ARMH3: variants seen among roughly 807,000 people sequenced by gnomAD.
The protein encoded by ARMH3 is armadillo like helical domain containing 3, also known as armadillo-like helical domain-containing protein 3.
ARMH3 carries 60 observed loss-of-function variants against 99.1 expected under a neutral mutation model. That is an observed-to-expected ratio of 0.61 (90% CI 0.49 to 0.75). The LOEUF is 0.75. Among genes scored for constraint, ARMH3 ranks in the 30% least tolerant of loss-of-function variants. The pLI is 0.00. For synonymous variants in ARMH3, 285 were observed against 292.8 expected (o/e 0.97, Z 0.27); for missense variants, 679 against 843.1 (o/e 0.81, Z 2.41).
At chr10:101,891,288 C>T (rs529339112) in intron 23 of ARMH3, among the ~76,000 whole-genome samples, 79 of 152,154 alleles carry the variant, frequency 5.2e-4, no homozygotes, top group African/African-American at 1.8e-3. Flanking sequence ...CTCCACCTTC[C>T]GGGTTTAAGC....
chr10:101,873,709 C>T (rs1420846980), intron 24 of ARMH3, among the ~76,000 whole-genome samples: 1 of 152,150 alleles, frequency 6.6e-6, no homozygotes, highest in Non-Finnish European at 1.5e-5. Context: ...ATTTTCTGGG[C>T]ATTTCAAATA....
chr10:102,036,351 G>A (rs532935151), intron 2 of ARMH3, among the ~76,000 whole-genome samples: 11 of 152,192 alleles, frequency 7.2e-5, no homozygotes, highest in Non-Finnish European at 1.2e-4. Context: ...CCCTCTGCCC[G>A]GCCACCACCC....
intron 19 of ARMH3, among the ~76,000 whole-genome samples, chr10:101,978,967 T>C (rs1407266008): frequency 6.6e-6 from 1 of 151,030 alleles, no homozygotes; most frequent in African/African-American, 2.4e-5. Flanking sequence ...TAAATTAATA[T>C]AAAATAAAAA....
chr10:101,944,983 G>C (rs1478595166), intron 22 of ARMH3, among the ~76,000 whole-genome samples: 1 of 152,006 alleles, frequency 6.6e-6, no homozygotes, highest in African/African-American at 2.4e-5. Flanking sequence ...TTTAAAAAAT[G>C]GTGTTCTACT....
intron 8 of ARMH3, among the ~76,000 whole-genome samples, chr10:102,022,138 T>G (rs1394091999): frequency 2.6e-5 from 4 of 152,096 alleles, no homozygotes; most frequent in African/African-American, 9.7e-5. Context: ...CATCTAAATT[T>G]GTATAAAGAC....
chr10:102,038,570 T>C (rs1271513784), intron 2 of ARMH3, among the ~76,000 whole-genome samples: 1 of 151,648 alleles, frequency 6.6e-6, no homozygotes, highest in African/African-American at 2.4e-5. Context: ...GGCACCAGGG[T>C]TCAAATCACA....
rs139591227 is a variant in ARMH3 at position 101,893,399 on chromosome 10, A to T, written c.1782-3909T>A. ...ACATTTCTTAGGAAATTTTTTTTTTAAATTCCTGTCTCAACTGAACTAGAG... is the reference window on the plus strand; with the variant it reads ...ACATTTCTTAGGAAATTTTTTTTTTTAATTCCTGTCTCAACTGAACTAGAG... On this transcript the variant is annotated intron_variant, in intron 23 of 25. Transcript: ENST00000370033. Among the ~76,000 whole-genome samples, 39 of 151,546 alleles carry T rather than the reference A, an allele frequency of 2.6e-4. No homozygotes were observed. In the East Asian group the frequency reaches 6.2e-3, roughly 24 times the overall value.
intron 19 of ARMH3, among the ~76,000 whole-genome samples, chr10:101,977,325 T>C (rs1846056226): frequency 6.6e-6 from 1 of 152,198 alleles, no homozygotes; most frequent in South Asian, 2.1e-4. Context: ...AACATTTTTT[T>C]CATCTCTGAC....
At chr10:101,932,066 A>G (rs1232474737) in intron 23 of ARMH3, among the ~76,000 whole-genome samples, 1 of 152,194 alleles carries the variant, frequency 6.6e-6, no homozygotes, top group Non-Finnish European at 1.5e-5. Flanking sequence ...ACAAAACACC[A>G]AAAAACTCCA....
chr10:101,955,897 T>C (rs1278998245), intron 22 of ARMH3, among the ~76,000 whole-genome samples: 2 of 152,228 alleles, frequency 1.3e-5, no homozygotes, highest in Non-Finnish European at 2.9e-5. Flanking sequence ...TTAAAATGTG[T>C]GCAGTTTATA....
At chr10:102,032,767 A>G (rs1468584887) in intron 4 of ARMH3, among the ~76,000 whole-genome samples, 2 of 152,164 alleles carry the variant, frequency 1.3e-5, no homozygotes, top group Non-Finnish European at 2.9e-5. Flanking sequence ...TCCCTTTCTC[A>G]AGCAAAAACA....
At chr10:101,916,673 A>C (rs1843098916) in intron 23 of ARMH3, among the ~76,000 whole-genome samples, 1 of 152,192 alleles carries the variant, frequency 6.6e-6, no homozygotes, top group Non-Finnish European at 1.5e-5. Context: ...CCTTAATGGT[A>C]AATCATTATT....
intron 24 of ARMH3, among the ~76,000 whole-genome samples, chr10:101,853,813 G>A (rs2066667171): frequency 6.6e-6 from 1 of 152,128 alleles, no homozygotes. Flanking sequence ...GCAAGAGCCT[G>A]ATAGAAAGTT....
intron 23 of ARMH3, among the ~76,000 whole-genome samples, chr10:101,901,224 C>G (rs890721774): frequency 6.8e-6 from 1 of 147,904 alleles, no homozygotes; most frequent in Non-Finnish European, 1.5e-5. Context: ...TACTAGATAG[C>G]AGTGGTCCTG....
intron 23 of ARMH3, among the ~76,000 whole-genome samples, chr10:101,898,423 T>C (rs75773111): frequency 0.058 from 8,855 of 151,860 alleles, 274 homozygotes; most frequent in African/African-American, 0.068. Context: ...AATATAAAGC[T>C]AAAGCAAATC....
intron 24 of ARMH3, among the ~76,000 whole-genome samples, chr10:101,880,061 T>C (rs1379678258): frequency 7.2e-5 from 11 of 152,220 alleles, no homozygotes; most frequent in Admixed American, 7.2e-4. Context: ...AAGGCAGGGT[T>C]GGATGGCCAG....
chr10:101,849,081 G>C (rs1443853068), intron 25 of ARMH3, among the ~76,000 whole-genome samples: 2 of 152,220 alleles, frequency 1.3e-5, no homozygotes, highest in Non-Finnish European at 2.9e-5. Flanking sequence ...CCCCAGCAGA[G>C]GGAGGTCTAA....
rs1589892596 is a variant in ARMH3, at chr10:101,847,521, C to T, written c.*7G>A. 2 of 1,613,314 alleles carry T rather than the reference C, an allele frequency of 1.2e-6. No individual in the cohort carries two copies. Among genetic ancestry groups the T allele is most frequent in the Non-Finnish European group, 1.7e-6 (2 of 1,179,262 alleles). The stretch of plus-strand genomic sequence containing the variant: ...GGCAGTCAGAGGCTGCTCAGGTAGG[C>T]GTGGCCTCAGGAGATAGTGGAGAAC... On this transcript the variant is annotated 3_prime_UTR_variant, in exon 26 of 26. Transcript: ENST00000370033.
intron 23 of ARMH3, among the ~76,000 whole-genome samples, chr10:101,936,328 C>T (rs939425744): frequency 2.0e-5 from 3 of 151,700 alleles, no homozygotes; most frequent in Non-Finnish European, 4.4e-5. Context: ...CCCATCTCTA[C>T]TAAAAATACA....
Sources: gnomAD v4.1 joint callset for allele counts (sites outside exome capture counted in the v4.1 genomes callset) on GRCh38, gnomAD v4.1.1 for gene constraint, MANE v1.5 for transcripts, NCBI Gene and HGNC (gene_info 2026-07-23, HGNC 2026-07-21) for gene names.